Variants in SNAP23 observed in about 807,000 individuals in gnomAD.
SNAP23 encodes synaptosomal-associated protein 23.
Under a neutral mutation model 29.0 loss-of-function variants are expected in SNAP23, and 11 were observed. The observed-to-expected ratio is 0.38, with a 90% CI of 0.24 to 0.63. SNAP23 has a LOEUF of 0.63. Among genes scored for constraint, SNAP23 ranks in the 20% least tolerant of loss-of-function variants. The pLI is 0.58. For synonymous variants in SNAP23, 60 were observed against 82.9 expected (o/e 0.72, Z 1.50); for missense variants, 220 against 253.9 (o/e 0.87, Z 0.91).
At chr15:42,509,493 G>A (rs993011899) in intron 1 of SNAP23, among the ~76,000 whole-genome samples, 5 of 147,890 alleles carry the variant, frequency 3.4e-5, no homozygotes, top group African/African-American at 1.3e-4. Flanking sequence ...AGGCTGGAGT[G>A]CAGTGGCACA....
chr15:42,513,062 T>C (rs1244599601), intron 3 of SNAP23, 66 bp downstream of exon 3: 1 of 1,143,414 alleles, frequency 8.7e-7, no homozygotes, highest in Non-Finnish European at 1.3e-6. Context: ...TACTTCTGGC[T>C]GGAATTAGTA....
intron 5 of SNAP23, 69 bp downstream of exon 5, chr15:42,515,423 GGTCAGAA>G: frequency 1.1e-6 from 1 of 904,732 alleles, no homozygotes; most frequent in Non-Finnish European, 1.7e-6. Flanking sequence ...CACCAGCTAA[GGTCAGAA>G]GTATGACTGG....
upstream of SNAP23, among the ~76,000 whole-genome samples, chr15:42,491,988 G>C (rs1286828859): frequency 6.6e-6 from 1 of 152,000 alleles, no homozygotes; most frequent in Non-Finnish European, 1.5e-5. Flanking sequence ...TTGGTTCACT[G>C]CAACCTCCAC....
intron 5 of SNAP23, among the ~76,000 whole-genome samples, chr15:42,517,187 G>A (rs1389192965): frequency 2.0e-5 from 3 of 152,062 alleles, no homozygotes; most frequent in Admixed American, 1.3e-4. Context: ...CCCAAAGTGC[G>A]GGGATTACAT....
intron 5 of SNAP23, among the ~76,000 whole-genome samples, chr15:42,517,116 C>T (rs552269809): frequency 3.3e-5 from 5 of 152,222 alleles, no homozygotes; most frequent in East Asian, 1.9e-4. Flanking sequence ...GACAGGGTTT[C>T]GCCGTGTTGG....
At chr15:42,503,460 C>T (rs1275448040) in intron 1 of SNAP23, among the ~76,000 whole-genome samples, 5 of 151,846 alleles carry the variant, frequency 3.3e-5, no homozygotes, top group Non-Finnish European at 7.4e-5. Flanking sequence ...ACCTCTGCCT[C>T]CTGGGTTCAA....
intron 3 of SNAP23, 89 bp downstream of exon 3, chr15:42,513,085 G>A (rs928013356): frequency 2.2e-6 from 2 of 928,404 alleles, no homozygotes; most frequent in Non-Finnish European, 3.5e-6. Flanking sequence ...AAAGGGTAAT[G>A]TATCAATATG....
chr15:42,493,551 C>T (rs562545946), upstream of SNAP23, among the ~76,000 whole-genome samples: 2 of 152,058 alleles, frequency 1.3e-5, no homozygotes, highest in East Asian at 3.9e-4. Context: ...CCATCACAAC[C>T]CTAAATGAAC....
At chr15:42,516,166 G>A (rs2057395220) in intron 5 of SNAP23, among the ~76,000 whole-genome samples, 1 of 152,134 alleles carries the variant, frequency 6.6e-6, no homozygotes, top group Non-Finnish European at 1.5e-5. Context: ...ACTGCTGAAA[G>A]TTTTGTTTTG....
At chr15:42,495,256 C>T (rs977210797), upstream of SNAP23, 10 of 152,196 alleles carry the variant, frequency 6.6e-5, no homozygotes, top group Non-Finnish European at 1.5e-4. Flanking sequence ...TCATTATCAG[C>T]CAAAGGCGCC....
chr15:42,519,097 C>T (rs1470210993), intron 5 of SNAP23, among the ~76,000 whole-genome samples: 1 of 150,282 alleles, frequency 6.7e-6, no homozygotes, highest in Non-Finnish European at 1.5e-5. Context: ...CTCTGTTGCC[C>T]AGGCTAGAGT....
intron 6 of SNAP23, 122 bp from the exon 7 acceptor site, chr15:42,529,553 A>G: frequency 5.3e-6 from 5 of 936,194 alleles, no homozygotes; most frequent in South Asian, 3.1e-5. Flanking sequence ...ATGGTAACCT[A>G]TATTCTTTTG....
chr15:42,524,860 T>G (rs1384595780), intron 5 of SNAP23, among the ~76,000 whole-genome samples: 1 of 152,200 alleles, frequency 6.6e-6, no homozygotes, highest in Non-Finnish European at 1.5e-5. Flanking sequence ...AGGTTCCAAC[T>G]TGGTGGAGGA....
intron 1 of SNAP23, chr15:42,505,247 T>C (rs2141511666): frequency 6.6e-6 from 1 of 152,346 alleles, no homozygotes; most frequent in South Asian, 2.1e-4. Flanking sequence ...TTCTTTTTAG[T>C]AGAGCTGGGG....
chr15:42,528,515 T>C (rs1226623937), intron 6 of SNAP23, 95 bp downstream of exon 6: 1 of 1,173,420 alleles, frequency 8.5e-7, no homozygotes, highest in Admixed American at 2.4e-5. Context: ...ATAAAACAAA[T>C]AAAAATTGTA....
intron 2 of SNAP23, chr15:42,512,356 A>C (rs2057363728): frequency 7.0e-6 from 1 of 141,874 alleles, no homozygotes; most frequent in Non-Finnish European, 1.5e-5. Context: ...AATAACTAAA[A>C]ATGTAGTGAT....
chr15:42,504,062 G>T (rs1242463772), intron 1 of SNAP23, among the ~76,000 whole-genome samples: 1 of 151,898 alleles, frequency 6.6e-6, no homozygotes, highest in African/African-American at 2.4e-5. Context: ...AGGCAAAGTG[G>T]CTCATACATG....
intron 5 of SNAP23, among the ~76,000 whole-genome samples, chr15:42,519,435 A>G (rs1364977824): frequency 1.3e-5 from 2 of 150,564 alleles, no homozygotes; most frequent in East Asian, 3.9e-4. Flanking sequence ...GCAGTGGTAC[A>G]ATCTCGGCTC....
intron 5 of SNAP23, among the ~76,000 whole-genome samples, chr15:42,524,220 G>A (rs1447577487): frequency 2.6e-5 from 4 of 152,070 alleles, no homozygotes; most frequent in South Asian, 4.1e-4. Context: ...GACTACCAGA[G>A]TAATCTAAAG....
Sources: allele counts gnomAD v4.1 joint callset (sites outside exome capture counted in the v4.1 genomes callset), GRCh38; gene constraint gnomAD v4.1.1; transcripts MANE v1.5; gene names NCBI Gene and HGNC (gene_info 2026-07-23, HGNC 2026-07-21).